Variants in IRF5 observed in about 807,000 individuals in gnomAD.
IRF5 encodes interferon regulatory factor 5.
A neutral mutation model predicts 55.1 loss-of-function variants in IRF5; 24 were observed. The ratio of observed to expected loss-of-function variants is 0.44; its 90% CI spans 0.32 to 0.61. The LOEUF is 0.61. IRF5 is among the 20% of genes least tolerant of loss of function. The pLI is 0.07. For synonymous variants in IRF5, 258 were observed against 260.2 expected (o/e 0.99, Z 0.08); for missense variants, 499 against 658.5 (o/e 0.76, Z 2.65).
Position 128,946,746 on chromosome 7 carries a change from T to C in IRF5, c.447+184T>C. 1.6e-6 allele frequency: 1 copy of C among 634,800 alleles called. No homozygotes were observed. Among genetic ancestry groups the C allele is most frequent in the Non-Finnish European group, 2.8e-6 (1 of 356,572 alleles). 39.3% of individuals were successfully genotyped at this position (634,800 alleles called of 1,614,324 possible). The stretch of plus-strand genomic sequence containing the variant: ...CCCCACCTGCTCCTTCCCAGGGCAT[T>C]GTCATTACCCTGTGTGTGTGACCCA... On this transcript the variant is annotated intron_variant, in intron 4 of 8. Transcript: ENST00000357234. This position sits in a 1 kb window ranked among gnomAD's most constrained non-coding sequence, Gnocchi z 4.2.
In IRF5 at chr7:128,947,145, G is replaced by C. The variant is rs1382606583; in HGVS notation, c.482-85G>C. On this transcript the variant is annotated intron_variant, in intron 5 of 8. Transcript: ENST00000357234. The surrounding 1 kb of genome is among the most constrained non-coding windows in gnomAD (Gnocchi z 6.5). The stretch of plus-strand genomic sequence containing the variant: ...CTGGAAGGGGGCTGATGGGAGGCTA[G>C]GGTGGCCCAGGGCTGGGAGGAGGTG... The C allele has an allele frequency of 6.2e-7, 1 of 1,610,858 alleles. No homozygotes were observed. The highest frequency in any genetic ancestry group is 8.5e-7 in the Non-Finnish European group (1 of 1,177,992).
In IRF5 at chr7:128,946,738, C is replaced by T; in HGVS notation, c.447+176C>T. The T allele has an allele frequency of 1.6e-6, 1 of 637,352 alleles. No homozygotes were observed. Among genetic ancestry groups the T allele is most frequent in the Non-Finnish European group, 2.8e-6 (1 of 358,552 alleles). The allele number at this position is 637,352 out of a possible 1,614,324, so 39.5% of individuals were successfully genotyped here. A position where few individuals can be genotyped will look rare whatever the true frequency, so the allele number is the denominator to read the frequency against. The stretch of plus-strand genomic sequence containing the variant: ...AGCACAGTCCCCACCTGCTCCTTCC[C>T]AGGGCATTGTCATTACCCTGTGTGT... On this transcript the variant is annotated intron_variant, in intron 4 of 8. Transcript: ENST00000357234. The surrounding 1 kb of genome is among the most constrained non-coding windows in gnomAD (Gnocchi z 4.2).
chr7:128,943,030 T>TC (rs1474367856), intron 2 of IRF5: 1 of 133,808 alleles, frequency 7.5e-6, no homozygotes, highest in East Asian at 2.0e-4. Context: ...CCAATTTTTT[T>TC]TTTTTTTTTT....
intron 2 of IRF5, among the ~76,000 whole-genome samples, chr7:128,944,304 A>C (rs1408279667): frequency 3.3e-5 from 5 of 152,210 alleles, no homozygotes; most frequent in Middle Eastern, 3.2e-3. Flanking sequence ...CCACATTGTC[A>C]TGTAGGCTGT....
At position 128,941,828 on chromosome 7, in the gene IRF5, C is replaced by T. The variant is rs145306121; in HGVS notation, c.-11-243C>T. On this transcript the variant is annotated intron_variant, in intron 1 of 8. Transcript: ENST00000357234. ...CAGTTGGAGAATGGATGCCTCTGCC[C>T]GGTAAAGGGCACCTGGGGCCGCGCC... is the stretch of plus-strand genomic sequence containing the variant. 5.3e-3 allele frequency among the ~76,000 whole-genome samples: 807 copies of T among 152,268 alleles called. 7 individuals carry two copies. Among genetic ancestry groups the T allele is most frequent in the African/African-American group, 0.019 (779 of 41,540 alleles).
In IRF5 at chr7:128,947,806, C is replaced by T. The variant is rs1796405184; in HGVS notation, c.865C>T (p.Arg289Trp). ...CACCATCAGCAACCCCCATGGCTGC[C>T]GGCTCTTCTACAGCCAGCTGGAGGC... ...ALTISNPHGC[R>W]LFYSQLEATQ... is the part of the protein sequence containing the mutation. The change falls in exon 7 of 9, where the codon CGG (arginine) becomes TGG (tryptophan). Residue 289 changes from arginine to tryptophan, a missense_variant. Arg to Trp is a moderately radical substitution (Grantham distance 101). Transcript: ENST00000357234. This position sits in a 1 kb window ranked among gnomAD's most constrained non-coding sequence, Gnocchi z 6.5. The T allele has an allele frequency of 4.3e-6, 7 of 1,613,554 alleles. No homozygotes were observed. The highest frequency in any genetic ancestry group is 1.3e-5 in the African/African-American group (1 of 74,900).
chr7:128,948,418 T>TC lies in IRF5; in HGVS notation c.1299+93dup. On this transcript the variant is annotated intron_variant, in intron 8 of 8. Coordinates refer to ENST00000357234, the MANE Select transcript of IRF5 (RefSeq NM_001098629.3). This position sits in a 1 kb window ranked among gnomAD's most constrained non-coding sequence, Gnocchi z 4.6. ...TTGCCCCAGGCTGGAGGCTCAGGGC[T>TC]CCCTGAGCAGTGTGAACTTGGCGGC... 1 of 1,446,220 alleles carries TC rather than the reference T, an allele frequency of 6.9e-7. No individual in the cohort carries two copies. The highest frequency in any genetic ancestry group is 9.4e-7 in the Non-Finnish European group (1 of 1,058,398). The allele number at this position is 1,446,220 out of a possible 1,614,324, so 89.6% of individuals were successfully genotyped here.
intron 2 of IRF5, among the ~76,000 whole-genome samples, chr7:128,943,499 T>C (rs747988233): frequency 3.3e-5 from 5 of 150,802 alleles, no homozygotes; most frequent in Non-Finnish European, 7.4e-5. Context: ...CTCAGCTTCC[T>C]GAGTAGCCGT....
At chr7:128,944,499 C>G (rs1206360507) in intron 2 of IRF5, among the ~76,000 whole-genome samples, 3 of 152,118 alleles carry the variant, frequency 2.0e-5, no homozygotes, top group Non-Finnish European at 4.4e-5. Flanking sequence ...ATAGGTAATA[C>G]AGTCACAAAA....
Position 128,949,053 on chromosome 7 carries a change from T to C in IRF5, c.*235T>C. ...GCCTGGCTCTCGGGAAATTCAGCCATGAGCAGGGAAAGAACTCTCCCAACC... is the reference window on the plus strand; with the variant it reads ...GCCTGGCTCTCGGGAAATTCAGCCACGAGCAGGGAAAGAACTCTCCCAACC... On this transcript the variant is annotated 3_prime_UTR_variant, in exon 9 of 9. Coordinates refer to ENST00000357234, the MANE Select transcript of IRF5 (RefSeq NM_001098629.3). 3 of 556,818 alleles carry C rather than the reference T, an allele frequency of 5.4e-6. No individual in the cohort carries two copies. In the South Asian group the frequency reaches 6.6e-5, roughly 12 times the overall value. 34.5% of individuals were successfully genotyped at this position (556,818 alleles called of 1,614,324 possible).
Position 128,942,261 on chromosome 7 carries a change from T to A in IRF5, c.180T>A (p.Asp60Glu). Residue 60 changes from aspartate to glutamate, a missense_variant, in exon 2 of 9, where the codon GAT becomes GAA. Coordinates refer to ENST00000357234, the MANE Select transcript of IRF5 (RefSeq NM_001098629.3). The part of the protein sequence containing the change: ...ATRHGPSQDG[D>E]NTIFKAWAKE... ...GGCATGGTCCCAGCCAGGACGGAGA[T>A]AACACCATCTTCAAGGTAAGCCCCG... 1 of 1,612,334 alleles carries A rather than the reference T, an allele frequency of 6.2e-7. No homozygotes were observed. Among genetic ancestry groups the A allele is most frequent in the East Asian group, 2.2e-5 (1 of 44,712 alleles).
In IRF5 at chr7:128,945,880, C is replaced by T. The variant is rs769566328; in HGVS notation, c.231C>T (p.Gly77=). ...WAKETGKYTE[G]VDEADPAKWK... is the part of the protein sequence containing the mutation. ...AGGAGACAGGGAAATACACCGAAGG[C>T]GTGGATGAAGCCGATCCGGCCAAGT... The change falls in exon 3 of 9, where the codon GGC becomes GGT. Residue 77 remains glycine (G), a synonymous_variant. Transcript: ENST00000357234. 56 of 1,612,946 alleles carry T rather than the reference C, an allele frequency of 3.5e-5. No homozygotes were observed. Among genetic ancestry groups the T allele is most frequent in the African/African-American group, 2.4e-4 (18 of 74,834 alleles).
chr7:128,947,938 C>T lies in IRF5; in HGVS notation c.997C>T (p.Leu333=). The change falls in exon 7 of 9, where the codon CTG becomes TTG. Residue 333 remains leucine, a synonymous_variant. Transcript: ENST00000357234. This position sits in a 1 kb window ranked among gnomAD's most constrained non-coding sequence, Gnocchi z 6.5. ...CAAGCAGCGCTTCTACACGAACCAG[C>T]TGCTGGATGTCCTGGACCGCGGGCT... is the stretch of plus-strand genomic sequence containing the variant. ...SDKQRFYTNQ[L]LDVLDRGLIL... 6.2e-7 allele frequency: 1 copy of T among 1,614,176 alleles called. No individual in the cohort carries two copies. Among genetic ancestry groups the T allele is most frequent in the Non-Finnish European group, 8.5e-7 (1 of 1,180,030 alleles).
Position 128,948,449 on chromosome 7 carries a change from AC to A in IRF5, c.1300-122del. The A allele has an allele frequency of 6.8e-7, 1 of 1,477,816 alleles. No individual in the cohort carries two copies. The highest frequency in any genetic ancestry group is 9.2e-7 in the Non-Finnish European group (1 of 1,082,850). 91.5% of individuals were successfully genotyped at this position (1,477,816 alleles called of 1,614,324 possible). A position where few individuals can be genotyped will look rare whatever the true frequency, so the allele number is the denominator to read the frequency against. On this transcript the variant is annotated intron_variant, in intron 8 of 8. Transcript: ENST00000357234. This position sits in a 1 kb window ranked among gnomAD's most constrained non-coding sequence, Gnocchi z 4.6. ...AGCAGTGTGAACTTGGCGGCCAGAGACCATCAAGGCTCAGAGCCGGAGAATG... is the reference window on the plus strand; with the variant it reads ...AGCAGTGTGAACTTGGCGGCCAGAGACATCAAGGCTCAGAGCCGGAGAATG...
chr7:128,948,973 C>T lies in IRF5; in HGVS notation c.*155C>T, dbSNP rs1000692180. 2.7e-5 allele frequency: 24 copies of T among 886,194 alleles called. No individual in the cohort carries two copies. In the African/African-American group the frequency reaches 3.2e-4, roughly 12 times the overall value. The allele number at this position is 886,194 out of a possible 1,614,324, so 54.9% of individuals were successfully genotyped here. On this transcript the variant is annotated 3_prime_UTR_variant, in exon 9 of 9. Transcript: ENST00000357234. The surrounding 1 kb of genome is among the most constrained non-coding windows in gnomAD (Gnocchi z 4.6). The stretch of plus-strand genomic sequence containing the variant: ...GGGCCAAGAAGGAGAGGGAGAAAGG[C>T]CCGAGCCCCTGCCTTCCCGGGCCTT...
At chr7:128,941,124 CG>C in intron 1 of IRF5, among the ~76,000 whole-genome samples, 1 of 152,246 alleles carries the variant, frequency 6.6e-6, no homozygotes, top group Non-Finnish European at 1.5e-5. Flanking sequence ...GGAGAGTTTC[CG>C]GTTCTGGGCT....
At chr7:128,942,359 T>C in intron 2 of IRF5, 83 bp downstream of exon 2, 1 of 1,312,300 alleles carries the variant, frequency 7.6e-7, no homozygotes, top group South Asian at 1.5e-5. Flanking sequence ...CACAGGCAGC[T>C]CCTCGAGGCT....
At chr7:128,943,180 G>T (rs971847199) in intron 2 of IRF5, 17 of 225,864 alleles carry the variant, frequency 7.5e-5, no homozygotes, top group African/African-American at 3.1e-4. Flanking sequence ...GATTACAGGT[G>T]CCTGCCACCA....
In IRF5 at chr7:128,946,030, C is replaced by T; in HGVS notation, c.381C>T (p.Pro127=). 1.2e-6 allele frequency: 2 copies of T among 1,600,468 alleles called. No individual in the cohort carries two copies. The highest frequency in any genetic ancestry group is 4.5e-5 in the East Asian group (2 of 44,606). Residue 127 remains proline (P), a synonymous_variant, in exon 3 of 9, where the codon CCC becomes CCT. Coordinates refer to ENST00000357234, the MANE Select transcript of IRF5 (RefSeq NM_001098629.3). This position sits in a 1 kb window ranked among gnomAD's most constrained non-coding sequence, Gnocchi z 4.2. Reference sequence around the variant, plus strand: ...AGGTCTGCTCCAATGGCCCTGCTCCCACAGGTATCAGGCCTAGCCCTCTGT... The same window carrying T: ...AGGTCTGCTCCAATGGCCCTGCTCCTACAGGTATCAGGCCTAGCCCTCTGT... ...IYEVCSNGPA[P]TDSQPPEDYS...
Sources: gnomAD v4.1 joint callset for allele counts (sites outside exome capture counted in the v4.1 genomes callset) on GRCh38, gnomAD v4.1.1 for gene constraint, Gnocchi (gnomAD v3.1) non-coding constraint, MANE v1.5 for transcripts, NCBI Gene and HGNC (gene_info 2026-07-23, HGNC 2026-07-21) for gene names.